Variants in IRAK1BP1 observed in about 807,000 individuals in gnomAD.
IRAK1BP1 encodes interleukin-1 receptor-associated kinase 1-binding protein 1.
IRAK1BP1 carries 24 observed loss-of-function variants against 28.0 expected under a neutral mutation model. The ratio of observed to expected loss-of-function variants is 0.86; its 90% confidence interval spans 0.62 to 1.20. The LOEUF (loss-of-function observed/expected upper bound fraction) is 1.20. Ranked by LOEUF, IRAK1BP1 falls within the 50% of genes most tolerant of loss-of-function variation. The pLI, the probability that IRAK1BP1 is intolerant of heterozygous loss-of-function variation, is 0.00. For missense variants in IRAK1BP1, 336 were observed against 316.7 expected (o/e 1.06, Z -0.46); for synonymous variants, 131 against 116.3 (o/e 1.13, Z -0.81).
At chr6:78,918,600 A>AAAAT in intron 4 of IRAK1BP1, among the ~76,000 whole-genome samples, 1 of 148,970 alleles carries the variant, frequency 6.7e-6, no homozygotes. Context: ...AAAAAAAAAA[A>AAAAT]GGGACAAAGA....
chr6:78,889,475 G>A (rs1034419287), intron 2 of IRAK1BP1, among the ~76,000 whole-genome samples: 63 of 151,850 alleles, frequency 4.1e-4, no homozygotes, highest in African/African-American at 1.4e-3. Context: ...AACCATCATC[G>A]GAGTGAAGAG....
downstream of IRAK1BP1, among the ~76,000 whole-genome samples, chr6:78,904,671 G>A (rs1772215573): frequency 6.6e-6 from 1 of 152,050 alleles, no homozygotes; most frequent in Non-Finnish European, 1.5e-5. Flanking sequence ...AAAAGAATTA[G>A]TATAACAATT....
chr6:78,891,749 A>G lies in IRAK1BP1; in HGVS notation c.382-6080A>G, dbSNP rs536762711. Among the ~76,000 whole-genome samples, 98 of 152,360 alleles carry G rather than the reference A, an allele frequency of 6.4e-4. 1 individual carries two copies. The South Asian group carries it at 8.1e-3, about 13-fold the overall frequency. ...AGTGTTGGGATTACAGGCGTGAGCC[A>G]CCGTGCCCAGCCTAGAGGAATTTTT... On this transcript the variant is annotated intron_variant, in intron 2 of 3. Coordinates refer to ENST00000369940, the MANE Select transcript of IRAK1BP1 (RefSeq NM_001010844.4).
intron 1 of IRAK1BP1, among the ~76,000 whole-genome samples, chr6:78,873,975 A>C (rs1770893728): frequency 6.6e-6 from 1 of 152,154 alleles, no homozygotes; most frequent in African/African-American, 2.4e-5. Flanking sequence ...ACGTAATTGA[A>C]AGTCAAGTTG....
At chr6:78,962,920 G>C in the IRAK1BP1 span, among the ~76,000 whole-genome samples, 1 of 152,144 alleles carries the variant, frequency 6.6e-6, no homozygotes, top group Non-Finnish European at 1.5e-5. Context: ...ATTTATAACT[G>C]TTTTAAATAG....
the IRAK1BP1 span, chr6:78,955,084 C>A: frequency 6.7e-6 from 6 of 893,690 alleles, no homozygotes; most frequent in African/African-American, 8.6e-5. Context: ...AAAATATTCA[C>A]CAAGTTCTAA....
chr6:78,964,169 C>T, the IRAK1BP1 span, among the ~76,000 whole-genome samples: 1 of 151,996 alleles, frequency 6.6e-6, no homozygotes, highest in Non-Finnish European at 1.5e-5. Context: ...AACATGGTTA[C>T]CAATTGATTT....
At chr6:78,868,115 A>G (rs1237492142) in intron 1 of IRAK1BP1, among the ~76,000 whole-genome samples, 3 of 152,238 alleles carry the variant, frequency 2.0e-5, no homozygotes, top group Non-Finnish European at 4.4e-5. Flanking sequence ...GGCAAATTAA[A>G]AATAAAAGAA....
intron 1 of IRAK1BP1, among the ~76,000 whole-genome samples, chr6:78,880,910 C>G (rs533793072): frequency 2.0e-5 from 3 of 152,290 alleles, no homozygotes; most frequent in South Asian, 2.1e-4. Flanking sequence ...AACAGGAATT[C>G]TCGTTCATTG....
intron 4 of IRAK1BP1, among the ~76,000 whole-genome samples, chr6:78,942,967 A>C (rs1369117355): frequency 6.6e-6 from 1 of 152,228 alleles, no homozygotes; most frequent in Admixed American, 6.5e-5. Flanking sequence ...AAAACCACTG[A>C]TATTGAACGG....
chr6:78,957,286 C>T, the IRAK1BP1 span: 7 of 151,880 alleles, frequency 4.6e-5, no homozygotes, highest in African/African-American at 1.7e-4. Flanking sequence ...GATACACATA[C>T]ACATAGTTAT....
intron 1 of IRAK1BP1, among the ~76,000 whole-genome samples, chr6:78,883,419 T>C (rs1462692850): frequency 6.6e-6 from 1 of 152,194 alleles, no homozygotes; most frequent in Admixed American, 6.5e-5. Context: ...GATTATTTTC[T>C]CTAGTATTAG....
intron 2 of IRAK1BP1, among the ~76,000 whole-genome samples, chr6:78,887,671 C>T (rs1165459555): frequency 4.0e-5 from 6 of 151,898 alleles, no homozygotes; most frequent in Non-Finnish European, 7.4e-5. Context: ...ATCTCACACA[C>T]ACACACAAAA....
intron 1 of IRAK1BP1, among the ~76,000 whole-genome samples, chr6:78,883,421 T>C (rs1771301858): frequency 6.6e-6 from 1 of 152,198 alleles, no homozygotes; most frequent in Non-Finnish European, 1.5e-5. Flanking sequence ...TTATTTTCTC[T>C]AGTATTAGAT....
At chr6:78,916,303 T>C in intron 4 of IRAK1BP1, among the ~76,000 whole-genome samples, 1 of 152,160 alleles carries the variant, frequency 6.6e-6, no homozygotes, top group East Asian at 1.9e-4. Flanking sequence ...ATCCTAGATA[T>C]CAGAAAATGA....
intron 4 of IRAK1BP1, among the ~76,000 whole-genome samples, chr6:78,922,467 G>A (rs1248543695): frequency 2.0e-5 from 3 of 152,160 alleles, no homozygotes; most frequent in African/African-American, 7.2e-5. Flanking sequence ...TGAAAGTCAC[G>A]GGGAGAATGG....
intron 4 of IRAK1BP1, among the ~76,000 whole-genome samples, chr6:78,910,749 C>G (rs1307001230): frequency 2.6e-5 from 4 of 152,250 alleles, no homozygotes; most frequent in Admixed American, 6.5e-5. Flanking sequence ...TTGAATCGCG[C>G]TTCTCGCCGG....
At chr6:78,893,445 C>T (rs1319454035) in intron 2 of IRAK1BP1, among the ~76,000 whole-genome samples, 2 of 148,076 alleles carry the variant, frequency 1.4e-5, no homozygotes, top group African/African-American at 5.0e-5. Context: ...AATTCATTAC[C>T]TGTAGACCTA....
chr6:78,954,392 C>G, the IRAK1BP1 span, among the ~76,000 whole-genome samples: 1 of 152,196 alleles, frequency 6.6e-6, no homozygotes, highest in Non-Finnish European at 1.5e-5. Context: ...TGGCATGAGC[C>G]ACCGTGCCCA....
Sources: gnomAD v4.1 joint callset for allele counts (sites outside exome capture counted in the v4.1 genomes callset) on GRCh38, gnomAD v4.1.1 for gene constraint, MANE v1.5 for transcripts, NCBI Gene and HGNC (gene_info 2026-07-23, HGNC 2026-07-21) for gene names.